HEXA: variants seen among roughly 807,000 people sequenced by gnomAD.
The protein encoded by HEXA is beta-hexosaminidase subunit alpha.
HEXA carries 54 observed loss-of-function variants against 73.3 expected under a neutral mutation model. That is an observed-to-expected ratio of 0.74 (90% CI 0.59 to 0.92). The LOEUF (loss-of-function observed/expected upper bound fraction) is 0.92, where lower values mean the gene tolerates loss of function less well. Ranked by LOEUF, HEXA falls within the 40% of genes least tolerant of loss-of-function variation. The pLI is 0.00. For missense variants in HEXA, 649 were observed against 653.0 expected, an observed-to-expected ratio of 0.99 and a Z score of 0.07; for synonymous variants, 230 against 246.9, an observed-to-expected ratio of 0.93 and a Z score of 0.64.
At chr15:72,368,855 A>G (rs1207924525) in intron 1 of HEXA, among the ~76,000 whole-genome samples, 1 of 152,230 alleles carries the variant, frequency 6.6e-6, no homozygotes, top group Non-Finnish European at 1.5e-5. Flanking sequence ...CCTAGTTACA[A>G]CAAGGACAAG....
At chr15:72,363,429 C>T (rs1198529803) in intron 1 of HEXA, among the ~76,000 whole-genome samples, 2 of 152,288 alleles carry the variant, frequency 1.3e-5, no homozygotes, top group African/African-American at 2.4e-5. Flanking sequence ...AATTGGTGTT[C>T]ACCAAGCTAC....
In HEXA at chr15:72,375,939, G is replaced by C; in HGVS notation, c.34C>G (p.Leu12Val). Residue 12 changes from leucine (L) to valine (V), a missense_variant, in exon 1 of 14, where the codon CTG becomes GTG. Physicochemically the swap from Leu to Val is conservative, Grantham distance 32 (BLOSUM62 1). Coordinates refer to ENST00000268097, the MANE Select transcript of HEXA (RefSeq NM_000520.6). The stretch of plus-strand genomic sequence containing the variant: ...GCCCGTCCTGCGAACGCTGCCGCCA[G>C]CAGCAGCGAAAACCAAAGCCTGGAG... Reference protein sequence around the residue: ...TSSRLWFSLLLAAAFAGRATA... With the variant: ...TSSRLWFSLLVAAAFAGRATA... 3 of 1,614,152 alleles carry C rather than the reference G, an allele frequency of 1.9e-6. No individual in the cohort carries two copies. The highest frequency in any genetic ancestry group is 2.5e-6 in the Non-Finnish European group (3 of 1,180,038).
In HEXA at chr15:72,355,501, C is replaced by T. The variant is rs1595803273; in HGVS notation, c.412+58G>A. The T allele has an allele frequency of 1.3e-5, 16 of 1,277,862 alleles. No homozygotes were observed. In the East Asian group the frequency reaches 3.2e-4, roughly 26 times the overall value. The allele number at this position is 1,277,862 out of a possible 1,614,324, so 79.2% of individuals were successfully genotyped here. On this transcript the variant is annotated intron_variant, in intron 3 of 13. Coordinates refer to ENST00000268097, the MANE Select transcript of HEXA (RefSeq NM_000520.6). The stretch of plus-strand genomic sequence containing the variant: ...GGACTGGGCCACTGCACTCCACCAA[C>T]ACCAACCTTCCCACATCATCCTTTC...
At chr15:72,346,103 G>A (rs2088608790) in intron 12 of HEXA, 132 bp downstream of exon 12, 3 of 704,582 alleles carry the variant, frequency 4.3e-6, no homozygotes, top group Non-Finnish European at 7.8e-6. Context: ...CAGAAGGCTC[G>A]TTGCACGGCC....
At chr15:72,345,244 ATTT>A (rs1201477126) in intron 13 of HEXA, 199 bp downstream of exon 13, 6 of 961,388 alleles carry the variant, frequency 6.2e-6, no homozygotes, top group African/African-American at 1.7e-5. Flanking sequence ...GTTATACAGT[ATTT>A]TTTATTTGTA....
intron 1 of HEXA, chr15:72,362,320 T>C (rs1164552469): frequency 5.1e-6 from 2 of 391,264 alleles, no homozygotes; most frequent in East Asian, 7.6e-5. Context: ...AATGTATACA[T>C]ACATTTTTCA....
chr15:72,347,664 TCTC>T lies in HEXA; in HGVS notation c.1146+19_1146+21del. 6.2e-7 allele frequency: 1 copy of T among 1,608,644 alleles called. No individual in the cohort carries two copies. Among genetic ancestry groups the T allele is most frequent in the Non-Finnish European group, 8.5e-7 (1 of 1,175,044 alleles). ...GAGGGAGGCACTGCTGGTGGCTTCT[TCTC>T]TTCTCTGCCCCGGCTCACCTTTACT... is the stretch of plus-strand genomic sequence containing the variant. On this transcript the variant is annotated intron_variant, in intron 10 of 13. Transcript: ENST00000268097.
intron 3 of HEXA, chr15:72,353,954 A>G (rs2088737937): frequency 4.8e-6 from 3 of 619,518 alleles, no homozygotes; most frequent in Admixed American, 2.7e-5. Flanking sequence ...ATGTCAGAGT[A>G]AGGGTTTTAG....
At chr15:72,353,358 G>C (rs1481302560) in intron 4 of HEXA, among the ~76,000 whole-genome samples, 180 bp from the exon 5 acceptor site, 1 of 152,134 alleles carries the variant, frequency 6.6e-6, no homozygotes, top group Non-Finnish European at 1.5e-5. Flanking sequence ...CCTTCCCAGA[G>C]AGCAATTGTC....
intron 1 of HEXA, chr15:72,362,603 A>G (rs961422750): frequency 7.3e-6 from 3 of 408,340 alleles, no homozygotes; most frequent in Non-Finnish European, 1.5e-5. Flanking sequence ...TGAAATCCTG[A>G]GACTGGGGTG....
intron 5 of HEXA, among the ~76,000 whole-genome samples, chr15:72,352,472 C>T (rs901139513): frequency 6.0e-5 from 9 of 150,588 alleles, no homozygotes; most frequent in African/African-American, 1.2e-4. Flanking sequence ...AAAATTGAGA[C>T]GCTGTCTCAA....
In HEXA at chr15:72,349,168, C is replaced by T. The variant is rs1434669394; in HGVS notation, c.897G>A (p.Glu299=). ...PVNPSLNNTY[E]FMSTFFLEVS... ...CTTCTAAGAAGAATGTGCTCATGAA[C>T]TCATAGGTATTATTGAGACTGGGAT... The change falls in exon 8 of 14, where the codon GAG becomes GAA. Residue 299 remains glutamate, a synonymous_variant. Transcript: ENST00000268097. 6.2e-7 allele frequency: 1 copy of T among 1,613,668 alleles called. No individual in the cohort carries two copies. The highest frequency in any genetic ancestry group is 1.3e-5 in the African/African-American group (1 of 74,900).
rs1402372578 is a variant in HEXA, at chr15:72,342,618, C to T, written c.*1459G>A. On this transcript the variant is annotated 3_prime_UTR_variant, in exon 14 of 14. Coordinates refer to ENST00000268097, the MANE Select transcript of HEXA (RefSeq NM_000520.6). ...AGTCTGGGTCCACGACGAGACATTT[C>T]CTTCTAGAGAAAATCACACCTGCAA... The T allele has an allele frequency of 1.3e-5, 2 of 152,262 alleles. No homozygotes were observed. The highest frequency in any genetic ancestry group is 4.8e-5 in the African/African-American group (2 of 41,450). 9.4% of individuals were successfully genotyped at this position (152,262 alleles called of 1,614,324 possible). A position where few individuals can be genotyped will look rare whatever the true frequency, so the allele number is the denominator to read the frequency against.
intron 10 of HEXA, chr15:72,346,916 C>T (rs1371773025): frequency 1.7e-6 from 1 of 599,058 alleles, no homozygotes; most frequent in East Asian, 3.0e-5. Flanking sequence ...CCCTGCAGCT[C>T]TCCTCCCCGT....
intron 13 of HEXA, chr15:72,345,158 T>C (rs2088592673): frequency 3.6e-5 from 16 of 443,920 alleles, no homozygotes; most frequent in South Asian, 2.8e-4. Context: ...ATATAACCAA[T>C]GTACAACTTC....
At position 72,349,137 on chromosome 15, in the gene HEXA, A is replaced by G; in HGVS notation, c.928T>C (p.Ser310Pro). The change falls in exon 8 of 14, where the codon TCT becomes CCT. Residue 310 changes from serine (S) to proline (P), a missense_variant. Coordinates refer to ENST00000268097, the MANE Select transcript of HEXA (RefSeq NM_000520.6). ...FMSTFFLEVSSVFPDFYLHLG... is the reference protein window; with the variant it reads ...FMSTFFLEVSPVFPDFYLHLG... ...TGAAGATAAAAATCTGGGAAGACAG[A>G]GCTGACTTCTAAGAAGAATGTGCTC... The G allele has an allele frequency of 6.2e-7, 1 of 1,614,014 alleles. No individual in the cohort carries two copies. Among genetic ancestry groups the G allele is most frequent in the Non-Finnish European group, 8.5e-7 (1 of 1,179,878 alleles).
At chr15:72,373,175 G>A (rs2140341967) in intron 1 of HEXA, among the ~76,000 whole-genome samples, 1 of 152,266 alleles carries the variant, frequency 6.6e-6, no homozygotes, top group South Asian at 2.1e-4. Context: ...CTGGCCCAGA[G>A]CCTACAAATA....
intron 1 of HEXA, chr15:72,370,519 C>G: frequency 2.5e-6 from 1 of 396,572 alleles, no homozygotes. Flanking sequence ...AGTAAGACCC[C>G]CATCTCTACA....
At chr15:72,362,366 A>G in intron 1 of HEXA, 1 of 440,884 alleles carries the variant, frequency 2.3e-6, no homozygotes, top group East Asian at 7.2e-5. Context: ...TTATTTGTCT[A>G]TCTCCTCACC....
Sources: allele counts gnomAD v4.1 joint callset (sites outside exome capture counted in the v4.1 genomes callset), GRCh38; gene constraint gnomAD v4.1.1; transcripts MANE v1.5; gene names NCBI Gene and HGNC (gene_info 2026-07-23, HGNC 2026-07-21).